The following NEK6 variants were observed in gnomAD, a reference collection of about 807,000 sequenced individuals.
NEK6 encodes the protein NIMA related kinase 6, also known as serine/threonine-protein kinase Nek6.
A neutral mutation model predicts 43.5 loss-of-function variants in NEK6; 27 were observed. The observed-to-expected ratio is 0.62, with a 90% CI of 0.46 to 0.86. NEK6 has a LOEUF of 0.86. Ranked by LOEUF, NEK6 falls within the 40% of genes least tolerant of loss-of-function variation. The pLI is 0.00. For missense variants in NEK6, 318 were observed against 414.4 expected (o/e 0.77, Z 2.02); for synonymous variants, 167 against 164.1 (o/e 1.02, Z -0.14).
At chr9:124,328,372 A>G (rs1005948162) in intron 7 of NEK6, among the ~76,000 whole-genome samples, 3 of 152,144 alleles carry the variant, frequency 2.0e-5, no homozygotes, top group Admixed American at 2.0e-4. Flanking sequence ...CCAGAGGCCC[A>G]TGGAGTGGGC....
chr9:124,261,462 G>C lies in NEK6; in HGVS notation c.-30+3377G>C, dbSNP rs887106168. On this transcript the variant is annotated intron_variant, in intron 1 of 9. Transcript: ENST00000320246. ...ATTAAATACGGGCAGGCACTGCCAG[G>C]CTTGTGTGGAGATGAGGCTGGGACA... 7.1e-6 allele frequency: 7 copies of C among 985,400 alleles called. No individual in the cohort carries two copies. The African/African-American group carries it at 1.0e-4, about 15-fold the overall frequency. The allele number at this position is 985,400 out of a possible 1,614,324, so 61.0% of individuals were successfully genotyped here. A position where few individuals can be genotyped will look rare whatever the true frequency, so the allele number is the denominator to read the frequency against.
intron 7 of NEK6, among the ~76,000 whole-genome samples, chr9:124,337,430 T>C (rs1829352869): frequency 6.6e-6 from 1 of 152,228 alleles, no homozygotes; most frequent in Non-Finnish European, 1.5e-5. Flanking sequence ...ATACATACAG[T>C]GAAGCTCCTG....
chr9:124,313,753 G>A (rs1241089673), intron 3 of NEK6, among the ~76,000 whole-genome samples, 170 bp from the exon 4 acceptor site: 3 of 152,126 alleles, frequency 2.0e-5, no homozygotes, highest in Non-Finnish European at 2.9e-5. Flanking sequence ...CAGTGCTGGG[G>A]GGACCCACAG....
Position 124,289,177 on chromosome 9 carries a change from CCCCCCCCCGCCACACACACACA to C in NEK6, c.-29-12757_-29-12736del, listed in dbSNP as rs1480460523. 8.7e-3 allele frequency among the ~76,000 whole-genome samples: 346 copies of C among 39,916 alleles called. 23 individuals carry two copies. Among genetic ancestry groups the C allele is most frequent in the Middle Eastern group, 0.034 (3 of 88 alleles). The allele number at this position is 39,916 out of a possible 152,430, so 26.2% of individuals were successfully genotyped here. A position where few individuals can be genotyped will look rare whatever the true frequency, so the allele number is the denominator to read the frequency against. On this transcript the variant is annotated intron_variant, in intron 1 of 9. Coordinates refer to ENST00000320246, the MANE Select transcript of NEK6 (RefSeq NM_014397.6). ...AGACTTTGATTGGACACCCCCCCCG[CCCCCCCCCGCCACACACACACA>C]CACACACACACACACACACACACAC...
rs145488745 is a variant in NEK6, at chr9:124,302,012, C to A, written c.48C>A (p.Asn16Lys). ...TGCCCCATGGAGGGAGTTCCAACAACCTCTGCCACACCCTGGGGCCTGTGC... is the reference window on the plus strand; with the variant it reads ...TGCCCCATGGAGGGAGTTCCAACAAACTCTGCCACACCCTGGGGCCTGTGC... ...GHMPHGGSSN[N>K]LCHTLGPVHP... Residue 16 changes from asparagine (N) to lysine (K), a missense_variant, in exon 2 of 10, where the codon AAC becomes AAA. Coordinates refer to ENST00000320246, the MANE Select transcript of NEK6 (RefSeq NM_014397.6). 9.8e-4 allele frequency: 1,567 copies of A among 1,606,512 alleles called. 3 individuals are homozygous for A. Among genetic ancestry groups the A allele is most frequent in the Non-Finnish European group, 1.2e-3 (1,409 of 1,176,560 alleles).
intron 9 of NEK6, among the ~76,000 whole-genome samples, chr9:124,350,395 G>A (rs1188784407): frequency 7.1e-6 from 1 of 141,748 alleles, no homozygotes; most frequent in Non-Finnish European, 1.6e-5. Flanking sequence ...AGGGGCCGGG[G>A]GTGGGCAGAC....
intron 4 of NEK6, among the ~76,000 whole-genome samples, chr9:124,316,647 C>T (rs1334851651): frequency 6.6e-6 from 1 of 152,214 alleles, no homozygotes; most frequent in Non-Finnish European, 1.5e-5. Flanking sequence ...AGACTCAGCT[C>T]GGCCCCTGCT....
chr9:124,304,389 G>A (rs1833150335), intron 2 of NEK6, among the ~76,000 whole-genome samples: 1 of 152,242 alleles, frequency 6.6e-6, no homozygotes, highest in South Asian at 2.1e-4. Flanking sequence ...TGTGGGCCAG[G>A]CTGTTTCCGC....
chr9:124,287,355 C>A (rs775312394), intron 1 of NEK6, among the ~76,000 whole-genome samples: 2 of 152,238 alleles, frequency 1.3e-5, no homozygotes, highest in Non-Finnish European at 2.9e-5. Context: ...TAGGCAGACA[C>A]GGGGCCGAGC....
At chr9:124,298,487 C>T (rs927835911) in intron 1 of NEK6, among the ~76,000 whole-genome samples, 35 of 152,130 alleles carry the variant, frequency 2.3e-4, no homozygotes, top group Admixed American at 2.3e-3. Context: ...GCAGAGTCTC[C>T]GGGGGCTCCT....
rs552492678 is a variant in NEK6 at position 124,344,009 on chromosome 9, T to C, written c.718-3700T>C. Among the ~76,000 whole-genome samples the C allele has an allele frequency of 3.4e-4, 52 of 152,300 alleles. 4 individuals carry two copies. The highest frequency in any genetic ancestry group is 2.7e-3 in the South Asian group (13 of 4,824). On this transcript the variant is annotated intron_variant, in intron 8 of 9. Transcript: ENST00000320246. ...CTAAGTCAAGGTGTCAGCGGGCAGG[T>C]GCCTTCTGGACGTTCTGGGGGCGAA...
Position 124,327,468 on chromosome 9 carries a change from C to G in NEK6, c.622+23C>G, listed in dbSNP as rs1301229101. The G allele has an allele frequency of 3.2e-6, 5 of 1,565,652 alleles. No homozygotes were observed. In the African/African-American group the frequency reaches 5.4e-5, roughly 17 times the overall value. On this transcript the variant is annotated intron_variant, in intron 7 of 9. Transcript: ENST00000320246. ...TAGGTAAGGGGGACCTGTCTGTGCCCCAGCAGCCCCCAGCGGTCCTGGTGA... is the reference window on the plus strand; with the variant it reads ...TAGGTAAGGGGGACCTGTCTGTGCCGCAGCAGCCCCCAGCGGTCCTGGTGA...
chr9:124,338,041 C>T (rs574842786), intron 7 of NEK6, among the ~76,000 whole-genome samples: 3 of 152,342 alleles, frequency 2.0e-5, no homozygotes, highest in African/African-American at 7.2e-5. Flanking sequence ...AGTGCAGTGG[C>T]ATGATCTCGG....
intron 1 of NEK6, among the ~76,000 whole-genome samples, chr9:124,265,359 T>C (rs1377967353): frequency 1.3e-5 from 2 of 152,040 alleles, no homozygotes; most frequent in African/African-American, 4.8e-5. Flanking sequence ...CCATCTCTAC[T>C]AAAAATACAA....
intron 1 of NEK6, chr9:124,292,577 G>C: frequency 6.5e-7 from 1 of 1,536,362 alleles, no homozygotes; most frequent in Non-Finnish European, 8.7e-7. Flanking sequence ...TCCAGCCCCC[G>C]GGGCTGTTCC....
At chr9:124,316,063 C>A (rs1833805069) in intron 4 of NEK6, among the ~76,000 whole-genome samples, 1 of 152,226 alleles carries the variant, frequency 6.6e-6, no homozygotes, top group Admixed American at 6.5e-5. Context: ...AGCCGCCTTC[C>A]CGAACACGGG....
At chr9:124,302,260 G>GCCAAGCTCC (rs1187718911) in intron 2 of NEK6, among the ~76,000 whole-genome samples, 1 of 152,158 alleles carries the variant, frequency 6.6e-6, no homozygotes, top group African/African-American at 2.4e-5. Flanking sequence ...AGCCTCCTCT[G>GCCAAGCTCC]CCAAGCTCTA....
chr9:124,274,235 C>T (rs758277357), intron 1 of NEK6, among the ~76,000 whole-genome samples: 14 of 152,364 alleles, frequency 9.2e-5, no homozygotes, highest in South Asian at 2.1e-4. Flanking sequence ...GCGCATGTCC[C>T]GTGTGAGCCT....
intron 1 of NEK6, among the ~76,000 whole-genome samples, chr9:124,264,538 C>A (rs1050614029): frequency 5.9e-5 from 9 of 152,212 alleles, no homozygotes; most frequent in Non-Finnish European, 1.2e-4. Flanking sequence ...CCAGGACAGG[C>A]TCATGCCTAT....
Sources: gnomAD v4.1 joint callset for allele counts (sites outside exome capture counted in the v4.1 genomes callset) on GRCh38, gnomAD v4.1.1 for gene constraint, MANE v1.5 for transcripts, NCBI Gene and HGNC (gene_info 2026-07-23, HGNC 2026-07-21) for gene names.